The following MED12L variants were observed in gnomAD, a reference collection of about 807,000 sequenced individuals.
The protein encoded by MED12L is mediator of RNA polymerase II transcription subunit 12-like protein.
A neutral mutation model predicts 281.3 loss-of-function variants in MED12L; 60 were observed. That is an observed-to-expected ratio of 0.21 (90% CI 0.17 to 0.26). The LOEUF is 0.26. Among genes scored for constraint, MED12L ranks in the 10% least tolerant of loss-of-function variants. The pLI is 1.00. For synonymous variants in MED12L, 974 were observed against 987.2 expected, an observed-to-expected ratio of 0.99 and a Z score of 0.25; for missense variants, 2,146 against 2,680.9, an observed-to-expected ratio of 0.80 and a Z score of 4.41.
At chr3:151,390,406 C>T (rs936717832) in intron 38 of MED12L, among the ~76,000 whole-genome samples, 4 of 152,234 alleles carry the variant, frequency 2.6e-5, no homozygotes, top group East Asian at 3.9e-4. Flanking sequence ...AAGTTGATAA[C>T]GGTTTTATGT....
intron 6 of MED12L, among the ~76,000 whole-genome samples, chr3:151,158,277 T>C (rs1437887337): frequency 6.6e-6 from 1 of 152,186 alleles, no homozygotes; most frequent in Admixed American, 6.5e-5. Context: ...TAAGGGGGCA[T>C]TGGGTCTGAT....
intron 18 of MED12L, among the ~76,000 whole-genome samples, chr3:151,355,565 G>A (rs947369658): frequency 1.3e-5 from 2 of 152,066 alleles, no homozygotes; most frequent in African/African-American, 2.4e-5. Context: ...AAAATACTAC[G>A]ACATTGAGAA....
intron 5 of MED12L, among the ~76,000 whole-genome samples, chr3:151,140,269 A>G (rs1360462301): frequency 6.6e-6 from 1 of 152,252 alleles, no homozygotes. Flanking sequence ...GTAAAATAAC[A>G]TAAAATTTAC....
chr3:151,142,851 G>A lies in MED12L; in HGVS notation c.557-13310G>A, dbSNP rs527438932. ...TTTTTAATTAAAAAGAAGTACATTA[G>A]GTTTCAAAGTCATTTTCCAAATGTG... On this transcript the variant is annotated intron_variant, in intron 5 of 44. Transcript: ENST00000687756. Among the ~76,000 whole-genome samples the A allele has an allele frequency of 3.6e-4, 55 of 151,454 alleles. 1 individual carries two copies. Among genetic ancestry groups the A allele is most frequent in the Admixed American group, 1.1e-3 (16 of 15,226 alleles).
chr3:151,237,253 T>A (rs1474627823), intron 16 of MED12L, among the ~76,000 whole-genome samples: 1 of 151,190 alleles, frequency 6.6e-6, no homozygotes, highest in Non-Finnish European at 1.5e-5. Context: ...TTGGCCAGGC[T>A]GGTCTTGAAC....
At chr3:151,138,690 G>A (rs1394760264) in intron 5 of MED12L, among the ~76,000 whole-genome samples, 2 of 152,160 alleles carry the variant, frequency 1.3e-5, no homozygotes, top group Non-Finnish European at 2.9e-5. Flanking sequence ...CTTATGGTTA[G>A]ACCAGGGTTA....
intron 2 of MED12L, among the ~76,000 whole-genome samples, chr3:151,096,971 C>A (rs917570542): frequency 6.6e-6 from 1 of 152,182 alleles, no homozygotes; most frequent in Admixed American, 6.5e-5. Context: ...TCAGAGCTTG[C>A]CAGATCTTGT....
chr3:151,246,208 T>C (rs1242874877), intron 16 of MED12L, among the ~76,000 whole-genome samples: 8 of 152,184 alleles, frequency 5.3e-5, no homozygotes, highest in Non-Finnish European at 1.0e-4. Flanking sequence ...AGGTAATTTA[T>C]AGATTCAATG....
At chr3:151,369,382 C>A in intron 25 of MED12L, 54 bp from the exon 26 acceptor site, 1 of 1,256,224 alleles carries the variant, frequency 8.0e-7, no homozygotes, top group Non-Finnish European at 1.1e-6. Flanking sequence ...TAAATAATTA[C>A]AAAACATTAC....
In MED12L at chr3:151,158,737, T is replaced by A; in HGVS notation, c.775T>A (p.Leu259Ile). 1 of 1,613,382 alleles carries A rather than the reference T, an allele frequency of 6.2e-7. No individual in the cohort carries two copies. Among genetic ancestry groups the A allele is most frequent in the East Asian group, 2.2e-5 (1 of 44,818 alleles). ...ATATTTGACATGGATCCTGGATGTT[T>A]TAGAAAAGATCAGACCAATGGATGA... Reference protein sequence around the residue: ...HEYLTWILDVLEKIRPMDDDL... With the variant: ...HEYLTWILDVIEKIRPMDDDL... Residue 259 changes from leucine to isoleucine, a missense_variant, in exon 7 of 45, where the codon TTA (leucine) becomes ATA (isoleucine). Leu to Ile is a conservative substitution (Grantham distance 5). Transcript: ENST00000687756.
chr3:151,174,453 TACTC>T lies in MED12L; in HGVS notation c.1494+8473_1494+8476del, dbSNP rs149310111. On this transcript the variant is annotated intron_variant, in intron 11 of 44. Coordinates refer to ENST00000687756, the MANE Select transcript of MED12L (RefSeq NM_001393769.1). ...TAAGTAAAAAATTAGTTGATTTAAA[TACTC>T]AGAGAGGATTGTCTTATCTGTCTTG... Among the ~76,000 whole-genome samples the T allele has an allele frequency of 5.3e-3, 802 of 152,328 alleles. 5 individuals are homozygous for T. Among genetic ancestry groups the T allele is most frequent in the African/African-American group, 0.019 (770 of 41,580 alleles).
intron 8 of MED12L, among the ~76,000 whole-genome samples, chr3:151,160,427 A>G (rs531203183): frequency 6.6e-6 from 1 of 152,274 alleles, no homozygotes; most frequent in African/African-American, 2.4e-5. Flanking sequence ...TCCAGCTAGC[A>G]TTTTTAATCT....
chr3:151,197,609 T>C (rs1724853597), intron 16 of MED12L, among the ~76,000 whole-genome samples: 1 of 152,228 alleles, frequency 6.6e-6, no homozygotes, highest in Non-Finnish European at 1.5e-5. Context: ...TGGTGCTGTT[T>C]TACCATTGAT....
intron 11 of MED12L, among the ~76,000 whole-genome samples, chr3:151,181,632 C>G (rs1319216845): frequency 7.8e-6 from 1 of 128,556 alleles, no homozygotes; most frequent in African/African-American, 3.0e-5. Context: ...GCTGCCCAGG[C>G]TGGAGTGCAG....
chr3:151,336,253 A>G (rs1241564983), intron 16 of MED12L, among the ~76,000 whole-genome samples: 6 of 152,202 alleles, frequency 3.9e-5, no homozygotes, highest in Non-Finnish European at 8.8e-5. Flanking sequence ...TTATCCCAGC[A>G]GTGTATAGGT....
intron 3 of MED12L, among the ~76,000 whole-genome samples, chr3:151,117,321 C>T (rs1299861639): frequency 1.3e-5 from 2 of 152,144 alleles, no homozygotes; most frequent in Non-Finnish European, 2.9e-5. Flanking sequence ...CACTTCTTTA[C>T]TTTTGGCACC....
intron 43 of MED12L, among the ~76,000 whole-genome samples, chr3:151,429,253 C>A (rs6768812): frequency 0.15 from 22,681 of 152,156 alleles, 2,315 homozygotes; most frequent in East Asian, 0.41. Flanking sequence ...TCACTGTGCT[C>A]CTATGCTCCA....
chr3:151,346,370 C>T (rs369894782), intron 16 of MED12L, among the ~76,000 whole-genome samples: 1 of 152,092 alleles, frequency 6.6e-6, no homozygotes, highest in African/African-American at 2.4e-5. Flanking sequence ...TCATAACGCT[C>T]TTTCCTCTCA....
intron 44 of MED12L, among the ~76,000 whole-genome samples, chr3:151,431,139 G>A (rs914472919): frequency 6.6e-5 from 10 of 152,190 alleles, no homozygotes; most frequent in African/African-American, 2.4e-4. Flanking sequence ...GAAGTCAGAA[G>A]ACGTAAATTT....
Sources: gnomAD v4.1 joint callset for allele counts (sites outside exome capture counted in the v4.1 genomes callset) on GRCh38, gnomAD v4.1.1 for gene constraint, MANE v1.5 for transcripts, NCBI Gene and HGNC (gene_info 2026-07-23, HGNC 2026-07-21) for gene names.